SCARA5: variants seen among roughly 807,000 people sequenced by gnomAD.
SCARA5 encodes the protein scavenger receptor class A, member 5 (putative).
SCARA5 carries 45 observed loss-of-function variants against 46.3 expected under a neutral mutation model. The ratio of observed to expected loss-of-function variants is 0.97; its 90% confidence interval spans 0.76 to 1.24. The LOEUF (loss-of-function observed/expected upper bound fraction) is 1.24, where lower values mean the gene tolerates loss of function less well. Ranked by LOEUF, SCARA5 falls within the 50% of genes most tolerant of loss-of-function variation. SCARA5 has a pLI of 0.00. For missense variants in SCARA5, 680 were observed against 689.0 expected (o/e 0.99, Z 0.15); for synonymous variants, 333 against 306.5 (o/e 1.09, Z -0.90).
At chr8:27,874,077 G>C (rs1029221473) in intron 8 of SCARA5, among the ~76,000 whole-genome samples, 6 of 152,126 alleles carry the variant, frequency 3.9e-5, no homozygotes, top group African/African-American at 1.4e-4. Flanking sequence ...AAATTATTGA[G>C]GCCTCTGTGT....
chr8:27,982,614 C>T (rs59603907), intron 2 of SCARA5, among the ~76,000 whole-genome samples: 12 of 152,274 alleles, frequency 7.9e-5, no homozygotes, highest in Admixed American at 1.3e-4. Context: ...CAACAGTGGG[C>T]CCCGAGGAGG....
intron 3 of SCARA5, among the ~76,000 whole-genome samples, chr8:27,944,271 A>G (rs920764646): frequency 3.9e-5 from 6 of 152,244 alleles, no homozygotes; most frequent in African/African-American, 1.2e-4. Context: ...AGAAAATTAA[A>G]TATGGATATA....
chr8:27,914,111 G>A (rs1482203548), intron 4 of SCARA5, among the ~76,000 whole-genome samples: 2 of 152,176 alleles, frequency 1.3e-5, no homozygotes, highest in Admixed American at 6.5e-5. Flanking sequence ...TAGTGAATAA[G>A]TCTCATGAGG....
chr8:27,982,248 G>A (rs1479508198), intron 2 of SCARA5, among the ~76,000 whole-genome samples: 2 of 152,006 alleles, frequency 1.3e-5, no homozygotes, highest in Admixed American at 1.3e-4. Context: ...CCCTCGGAAA[G>A]TGCTGTGGAG....
intron 3 of SCARA5, among the ~76,000 whole-genome samples, chr8:27,939,089 T>C (rs1355787615): frequency 6.6e-6 from 1 of 152,170 alleles, no homozygotes; most frequent in East Asian, 1.9e-4. Flanking sequence ...ATCTGACACA[T>C]GTATGAATTT....
intron 3 of SCARA5, among the ~76,000 whole-genome samples, chr8:27,931,843 C>T (rs1005162690): frequency 2.6e-5 from 4 of 151,968 alleles, no homozygotes; most frequent in Admixed American, 6.6e-5. Flanking sequence ...TCAGTAGAGA[C>T]GCGTTCCACC....
intron 8 of SCARA5, among the ~76,000 whole-genome samples, chr8:27,878,560 G>T (rs1280804950): frequency 1.3e-5 from 2 of 152,166 alleles, no homozygotes; most frequent in Admixed American, 1.3e-4. Context: ...GTGTCAAAAG[G>T]AAAGCAACCA....
At chr8:27,910,588 G>A (rs1807357517) in intron 4 of SCARA5, among the ~76,000 whole-genome samples, 2 of 152,218 alleles carry the variant, frequency 1.3e-5, no homozygotes, top group Admixed American at 1.3e-4. Context: ...GGCTCAGGCT[G>A]CAGTGTGGAA....
intron 5 of SCARA5, among the ~76,000 whole-genome samples, chr8:27,907,861 C>T (rs1807293486): frequency 6.6e-6 from 1 of 152,338 alleles, no homozygotes; most frequent in South Asian, 2.1e-4. Flanking sequence ...TGAGCCACCG[C>T]GTCCAGCCTA....
chr8:27,934,453 T>A (rs1278491052), intron 3 of SCARA5, among the ~76,000 whole-genome samples: 1 of 152,146 alleles, frequency 6.6e-6, no homozygotes, highest in African/African-American at 2.4e-5. Flanking sequence ...AGCTGTGGTG[T>A]CTCTTGGAGC....
intron 7 of SCARA5, chr8:27,903,638 TCTC>T (rs1169464118): frequency 2.0e-5 from 3 of 152,516 alleles, no homozygotes; most frequent in East Asian, 3.9e-4. Flanking sequence ...TTCGAAACCT[TCTC>T]CTATTTATGG....
At chr8:27,886,217 C>G (rs1410542024) in intron 7 of SCARA5, 1 of 152,488 alleles carries the variant, frequency 6.6e-6, no homozygotes, top group African/African-American at 2.4e-5. Context: ...GTCCCCAGAT[C>G]CCCTAGACTC....
chr8:27,885,526 T>A (rs1007475716), intron 7 of SCARA5, among the ~76,000 whole-genome samples: 2 of 152,162 alleles, frequency 1.3e-5, no homozygotes, highest in African/African-American at 2.4e-5. Flanking sequence ...AGGGAAGGCA[T>A]GCATGAATGG....
chr8:27,879,575 C>T lies in SCARA5; in HGVS notation c.1345G>A (p.Gly449Arg), dbSNP rs751646915. Reference protein sequence around the residue: ...VEEVYRTARFGQGTGRIWMDD... With the variant: ...VEEVYRTARFRQGTGRIWMDD... ...TGCCCTCAGAGCGCCTTACCTTGCC[C>T]GAATCGAGCTGTGCGGTACACCTCC... The change falls in exon 8 of 9, where the codon GGG becomes AGG. Residue 449 changes from glycine to arginine, a missense_variant. Gly to Arg is a moderately radical substitution (Grantham distance 125). Coordinates refer to ENST00000354914, the MANE Select transcript of SCARA5 (RefSeq NM_173833.6). The T allele has an allele frequency of 1.2e-6, 2 of 1,606,744 alleles. No homozygotes were observed. Among genetic ancestry groups the T allele is most frequent in the Non-Finnish European group, 1.7e-6 (2 of 1,179,918 alleles).
intron 2 of SCARA5, among the ~76,000 whole-genome samples, chr8:27,976,628 T>C (rs1808527753): frequency 6.6e-6 from 1 of 152,134 alleles, no homozygotes; most frequent in Non-Finnish European, 1.5e-5. Flanking sequence ...TGTCTCACTC[T>C]CCCAATTCCT....
At chr8:27,930,994 A>C (rs1389932325) in intron 3 of SCARA5, among the ~76,000 whole-genome samples, 1 of 152,196 alleles carries the variant, frequency 6.6e-6, no homozygotes, top group African/African-American at 2.4e-5. Flanking sequence ...TGCCGAGAAA[A>C]AGGGAGGGGC....
intron 2 of SCARA5, among the ~76,000 whole-genome samples, chr8:27,968,352 T>C (rs1808400372): frequency 6.6e-6 from 1 of 152,224 alleles, no homozygotes; most frequent in South Asian, 2.1e-4. Context: ...TTCTCACTCA[T>C]CCTTACATTA....
At chr8:27,905,690 ATTTTCTTTTC>A (rs1256223943) in intron 6 of SCARA5, among the ~76,000 whole-genome samples, 1 of 136,230 alleles carries the variant, frequency 7.3e-6, no homozygotes, top group African/African-American at 2.7e-5. Context: ...GTGTTGTCTA[ATTTTCTTTTC>A]TTTTCTTTTT....
At chr8:27,922,966 T>C (rs1807622803) in intron 3 of SCARA5, among the ~76,000 whole-genome samples, 1 of 152,238 alleles carries the variant, frequency 6.6e-6, no homozygotes, top group South Asian at 2.1e-4. Flanking sequence ...GGCACCTTTA[T>C]CTTGGACTTC....
Sources: gnomAD v4.1 joint callset for allele counts (sites outside exome capture counted in the v4.1 genomes callset) on GRCh38, gnomAD v4.1.1 for gene constraint, MANE v1.5 for transcripts, NCBI Gene and HGNC (gene_info 2026-07-23, HGNC 2026-07-21) for gene names.